The following PTPRM variants were observed in gnomAD, a reference collection of about 807,000 sequenced individuals.
The protein encoded by PTPRM is protein tyrosine phosphatase receptor type M, also known as receptor-type tyrosine-protein phosphatase mu.
A neutral mutation model predicts 186.7 loss-of-function variants in PTPRM; 47 were observed. The observed-to-expected ratio is 0.25, with a 90% confidence interval of 0.20 to 0.32. The LOEUF is 0.32. Among genes scored for constraint, PTPRM ranks in the 10% least tolerant of loss-of-function variants. PTPRM has a pLI of 1.00. For missense variants in PTPRM, 1,494 were observed against 1,865.0 expected (o/e 0.80, Z 3.66); for synonymous variants, 668 against 674.9 (o/e 0.99, Z 0.16).
intron 2 of PTPRM, among the ~76,000 whole-genome samples, chr18:7,774,967 T>A (rs1046460386): frequency 6.6e-6 from 1 of 152,196 alleles, no homozygotes; most frequent in African/African-American, 2.4e-5. Context: ...GTCTGCAGAT[T>A]TGGTGATAAG....
At chr18:7,579,942 G>T (rs1445458480) in intron 1 of PTPRM, among the ~76,000 whole-genome samples, 1 of 152,164 alleles carries the variant, frequency 6.6e-6, no homozygotes, top group African/African-American at 2.4e-5. Flanking sequence ...TGGGCATATT[G>T]GTCTGTTAAA....
chr18:7,652,209 T>C (rs1470746875), intron 1 of PTPRM, among the ~76,000 whole-genome samples: 2 of 152,280 alleles, frequency 1.3e-5, no homozygotes, highest in East Asian at 1.9e-4. Context: ...TGAGATATCA[T>C]CTAACACCAG....
intron 19 of PTPRM, among the ~76,000 whole-genome samples, chr18:8,264,774 C>CA (rs577367071): frequency 0.032 from 3,171 of 99,912 alleles, 148 homozygotes; most frequent in African/African-American, 0.099. Flanking sequence ...GACTCCATCT[C>CA]AAAAAAAAAA....
intron 14 of PTPRM, among the ~76,000 whole-genome samples, chr18:8,240,498 A>AGGAAGGAAGGAAGGAAGGAAGG (rs1426297030): frequency 1.8e-4 from 4 of 22,344 alleles, no homozygotes; most frequent in African/African-American, 1.5e-3. Flanking sequence ...AGAGAGAGAG[A>AGGAAGGAAGGAAGGAAGGAAGG]GAGGAAGGAA....
intron 4 of PTPRM, among the ~76,000 whole-genome samples, chr18:7,923,218 A>G (rs541937516): frequency 3.5e-4 from 53 of 152,314 alleles, no homozygotes; most frequent in African/African-American, 1.0e-3. Context: ...ATACCCAGAC[A>G]CCTTGTGTTA....
At chr18:8,102,459 G>T (rs1321788431) in intron 11 of PTPRM, among the ~76,000 whole-genome samples, 1 of 152,160 alleles carries the variant, frequency 6.6e-6, no homozygotes, top group Non-Finnish European at 1.5e-5. Context: ...ATCATTTGTT[G>T]TCATTTCAAC....
chr18:8,277,578 A>G (rs1004948305), intron 19 of PTPRM, among the ~76,000 whole-genome samples: 1 of 152,260 alleles, frequency 6.6e-6, no homozygotes, highest in Non-Finnish European at 1.5e-5. Context: ...TTCTTTGTCA[A>G]TGGTTGATAT....
intron 5 of PTPRM, among the ~76,000 whole-genome samples, chr18:7,942,827 T>G (rs1455313459): frequency 6.6e-6 from 1 of 152,114 alleles, no homozygotes; most frequent in African/African-American, 2.4e-5. Context: ...CACCCAGTAC[T>G]TTGAGGACAT....
At chr18:7,754,951 C>G (rs545882922) in intron 1 of PTPRM, 1 of 152,254 alleles carries the variant, frequency 6.6e-6, no homozygotes, top group African/African-American at 2.4e-5. Flanking sequence ...TGGCCGTGAG[C>G]GTCCGTGTTC....
chr18:7,844,220 C>T (rs958453823), intron 2 of PTPRM, among the ~76,000 whole-genome samples: 2 of 152,090 alleles, frequency 1.3e-5, no homozygotes, highest in African/African-American at 2.4e-5. Flanking sequence ...GCCATGATTG[C>T]GAAATACAAT....
chr18:8,380,593 A>G (rs1360703735), intron 29 of PTPRM, among the ~76,000 whole-genome samples, 166 bp downstream of exon 29: 1 of 151,938 alleles, frequency 6.6e-6, no homozygotes, highest in African/African-American at 2.4e-5. Context: ...AATCAGGCGG[A>G]ATTAGGGGTT....
chr18:7,907,335 G>C (rs924131792), intron 4 of PTPRM, among the ~76,000 whole-genome samples: 5 of 152,174 alleles, frequency 3.3e-5, no homozygotes, highest in Admixed American at 2.0e-4. Context: ...AGCAGAAAAG[G>C]CATCCTGTTG....
chr18:7,819,187 A>G (rs1226482793), intron 2 of PTPRM, among the ~76,000 whole-genome samples: 1 of 152,120 alleles, frequency 6.6e-6, no homozygotes, highest in East Asian at 1.9e-4. Context: ...CTTCACCCCC[A>G]GGCCTGTGCC....
intron 1 of PTPRM, among the ~76,000 whole-genome samples, chr18:7,572,822 T>G (rs2036595698): frequency 6.6e-6 from 1 of 152,208 alleles, no homozygotes; most frequent in South Asian, 2.1e-4. Flanking sequence ...GAGGGAAGGT[T>G]TAATTATTAA....
At chr18:7,848,324 T>C (rs1231559059) in intron 2 of PTPRM, among the ~76,000 whole-genome samples, 4 of 152,348 alleles carry the variant, frequency 2.6e-5, no homozygotes, top group South Asian at 4.1e-4. Flanking sequence ...AATAAAACAG[T>C]ATGAAAATTG....
At chr18:7,966,760 C>T (rs1248862628) in intron 7 of PTPRM, among the ~76,000 whole-genome samples, 2 of 139,270 alleles carry the variant, frequency 1.4e-5, no homozygotes, top group Non-Finnish European at 3.3e-5. Context: ...GCTTAAAAAA[C>T]GGCGCACCAC....
chr18:8,065,630 G>T (rs1230806281), intron 7 of PTPRM, among the ~76,000 whole-genome samples: 2 of 152,190 alleles, frequency 1.3e-5, no homozygotes, highest in African/African-American at 4.8e-5. Context: ...CAGAGGGTGT[G>T]AGTGTGAAGA....
intron 1 of PTPRM, among the ~76,000 whole-genome samples, chr18:7,639,753 TATC>T (rs1366384120): frequency 6.6e-6 from 1 of 152,198 alleles, no homozygotes; most frequent in Non-Finnish European, 1.5e-5. Context: ...AACAAGCAGA[TATC>T]ATCCTGATAT....
At chr18:7,696,410 T>G (rs1033696753) in intron 1 of PTPRM, among the ~76,000 whole-genome samples, 16 of 152,242 alleles carry the variant, frequency 1.1e-4, no homozygotes, top group African/African-American at 3.6e-4. Flanking sequence ...TTTTTATATA[T>G]GATACTCTGT....
Sources: gnomAD v4.1 joint callset for allele counts (sites outside exome capture counted in the v4.1 genomes callset) on GRCh38, gnomAD v4.1.1 for gene constraint, MANE v1.5 for transcripts, NCBI Gene and HGNC (gene_info 2026-07-23, HGNC 2026-07-21) for gene names.